The following ZNF362 variants were observed in gnomAD, a reference collection of about 807,000 sequenced individuals.
ZNF362 encodes zinc finger protein 362.
ZNF362 carries 11 observed loss-of-function variants against 42.9 expected under a neutral mutation model. The ratio of observed to expected loss-of-function variants is 0.26; its 90% CI spans 0.16 to 0.42. The LOEUF (loss-of-function observed/expected upper bound fraction) is 0.42, where lower values mean the gene tolerates loss of function less well. Ranked by LOEUF, ZNF362 falls within the 20% of genes least tolerant of loss-of-function variation. ZNF362 has a pLI of 1.00. For synonymous variants in ZNF362, 255 were observed against 257.3 expected, an observed-to-expected ratio of 0.99 and a Z score of 0.09; for missense variants, 362 against 576.2, an observed-to-expected ratio of 0.63 and a Z score of 3.81.
At chr1:33,297,489 A>G (rs1444903154) in intron 8 of ZNF362, among the ~76,000 whole-genome samples, 1 of 139,502 alleles carries the variant, frequency 7.2e-6, no homozygotes, top group Non-Finnish European at 1.5e-5. Context: ...GAATGCCATG[A>G]TTTGGTGTAT....
chr1:33,145,556 C>T, the ZNF362 span: 5 of 171,796 alleles, frequency 2.9e-5, no homozygotes, highest in Non-Finnish European at 6.3e-5. Flanking sequence ...GCCCGGGTGG[C>T]GGGGGCAGCC....
intron 1 of ZNF362, among the ~76,000 whole-genome samples, chr1:33,262,139 G>A (rs952929305): frequency 6.6e-6 from 1 of 151,896 alleles, no homozygotes; most frequent in Non-Finnish European, 1.5e-5. Flanking sequence ...AGTGTCTTTA[G>A]TGGATAAGGT....
chr1:33,203,796 T>G, the ZNF362 span, among the ~76,000 whole-genome samples: 1 of 152,246 alleles, frequency 6.6e-6, no homozygotes, highest in Non-Finnish European at 1.5e-5. Flanking sequence ...TTCAGTCCTT[T>G]GCGCATTTTT....
At chr1:33,189,569 C>CGCA in the ZNF362 span, among the ~76,000 whole-genome samples, 1 of 147,328 alleles carries the variant, frequency 6.8e-6, no homozygotes, top group African/African-American at 2.5e-5. Context: ...CTCTTAGCGC[C>CGCA]GCAACCACAC....
In ZNF362 at chr1:33,280,337, C is replaced by T. The variant is rs775049086; in HGVS notation, c.563C>T (p.Pro188Leu). 2.5e-6 allele frequency: 4 copies of T among 1,613,980 alleles called. No individual in the cohort carries two copies. Among genetic ancestry groups the T allele is most frequent in the African/African-American group, 2.7e-5 (2 of 74,942 alleles). The stretch of plus-strand genomic sequence containing the variant: ...CAGGGCCACGGCCTGCTTGGCCCCC[C>T]CAAGTCCGAACGCGGCCGCAAAAAG... ...TIQGHGLLGP[P>L]KSERGRKKIK... The change falls in exon 5 of 9, where the codon CCC (proline) becomes CTC (leucine). Residue 188 changes from proline (P) to leucine (L), a missense_variant. Physicochemically the swap from Pro to Leu is moderately conservative, Grantham distance 98. Coordinates refer to ENST00000539719, the MANE Select transcript of ZNF362 (RefSeq NM_152493.3). This position sits in a 1 kb window ranked among gnomAD's most constrained non-coding sequence, Gnocchi z 5.6.
At chr1:33,241,444 C>G in the ZNF362 span, among the ~76,000 whole-genome samples, 1 of 148,768 alleles carries the variant, frequency 6.7e-6, no homozygotes, top group East Asian at 2.0e-4. Flanking sequence ...TGCAGTGAGC[C>G]GAGATCATGC....
At chr1:33,148,521 G>A in the ZNF362 span, among the ~76,000 whole-genome samples, 1 of 152,144 alleles carries the variant, frequency 6.6e-6, no homozygotes, top group Non-Finnish European at 1.5e-5. Context: ...TTTGAGGCAG[G>A]ATGGTGTTTT....
chr1:33,250,465 C>T, the ZNF362 span, among the ~76,000 whole-genome samples: 3 of 152,206 alleles, frequency 2.0e-5, no homozygotes, highest in Non-Finnish European at 4.4e-5. Context: ...AAGCCGTTAT[C>T]CTCAGCAAAC....
At chr1:33,173,419 G>A in the ZNF362 span, among the ~76,000 whole-genome samples, 2 of 152,098 alleles carry the variant, frequency 1.3e-5, no homozygotes, top group Non-Finnish European at 2.9e-5. Context: ...GCTTGTGTGC[G>A]CATGCATGTG....
chr1:33,183,696 C>T, the ZNF362 span, among the ~76,000 whole-genome samples: 2 of 152,158 alleles, frequency 1.3e-5, no homozygotes, highest in East Asian at 3.8e-4. Context: ...AGGAAATGGT[C>T]TCTTTACTTT....
At chr1:33,148,633 CCTT>C in the ZNF362 span, among the ~76,000 whole-genome samples, 1 of 152,142 alleles carries the variant, frequency 6.6e-6, no homozygotes, top group African/African-American at 2.4e-5. Context: ...TTAATAATTT[CCTT>C]CTATTTTCCT....
the ZNF362 span, among the ~76,000 whole-genome samples, chr1:33,219,492 C>T: frequency 3.3e-5 from 5 of 152,170 alleles, no homozygotes; most frequent in Admixed American, 1.3e-4. Context: ...GGGGAGGACT[C>T]GTGAAGACCT....
chr1:33,137,724 T>G, the ZNF362 span, among the ~76,000 whole-genome samples: 17 of 152,172 alleles, frequency 1.1e-4, no homozygotes, highest in African/African-American at 4.1e-4. Context: ...AACTTTCAAG[T>G]GGCTCAGCAC....
the ZNF362 span, chr1:33,147,632 G>A: frequency 6.2e-7 from 1 of 1,613,926 alleles, no homozygotes; most frequent in Non-Finnish European, 8.5e-7. This position sits in a 1 kb window ranked among gnomAD's most constrained non-coding sequence, Gnocchi z 8.1. Context: ...TGCAGTGGCT[G>A]TGGGTGCAAG....
the ZNF362 span, among the ~76,000 whole-genome samples, chr1:33,210,424 G>C: frequency 6.6e-6 from 1 of 152,324 alleles, no homozygotes; most frequent in South Asian, 2.1e-4. Context: ...GAAGAATTCT[G>C]TAGATGTCTA....
chr1:33,241,359 G>A, the ZNF362 span, among the ~76,000 whole-genome samples: 7 of 151,948 alleles, frequency 4.6e-5, no homozygotes, highest in Admixed American at 4.6e-4. Flanking sequence ...GCCAGGTGTG[G>A]GGGCGGGTGC....
chr1:33,260,262 A>G (rs755570690), intron 1 of ZNF362, among the ~76,000 whole-genome samples: 2 of 152,224 alleles, frequency 1.3e-5, no homozygotes, highest in Non-Finnish European at 2.9e-5. Flanking sequence ...TTCTGGGCCT[A>G]CAAGGCCCTT....
At chr1:33,224,814 T>C in the ZNF362 span, among the ~76,000 whole-genome samples, 1 of 152,206 alleles carries the variant, frequency 6.6e-6, no homozygotes, top group Non-Finnish European at 1.5e-5. Flanking sequence ...TTATGAACTC[T>C]ATACAGAATG....
At chr1:33,254,335 G>T (rs1461213801), upstream of ZNF362, among the ~76,000 whole-genome samples, 2 of 152,144 alleles carry the variant, frequency 1.3e-5, no homozygotes, top group African/African-American at 4.8e-5. Context: ...CGTTGGTCAG[G>T]CTGGTCTTAA....
Sources: allele counts gnomAD v4.1 joint callset (sites outside exome capture counted in the v4.1 genomes callset), GRCh38; gene constraint gnomAD v4.1.1; non-coding constraint Gnocchi (gnomAD v3.1); transcripts MANE v1.5; gene names NCBI Gene and HGNC (gene_info 2026-07-23, HGNC 2026-07-21).